Variants in AGBL3 observed in about 807,000 individuals in gnomAD.
AGBL3 encodes the protein AGBL carboxypeptidase 3, also known as cytosolic carboxypeptidase 3.
A neutral mutation model predicts 94.5 loss-of-function variants in AGBL3; 68 were observed. The ratio of observed to expected loss-of-function variants is 0.72; its 90% CI spans 0.59 to 0.88. AGBL3 has a LOEUF of 0.88. Among genes scored for constraint, AGBL3 ranks in the 40% least tolerant of loss-of-function variants. The pLI is 0.00. For missense variants in AGBL3, 934 were observed against 1,103.8 expected, an observed-to-expected ratio of 0.85 and a Z score of 2.18; for synonymous variants, 354 against 370.7, an observed-to-expected ratio of 0.95 and a Z score of 0.52.
At chr7:135,004,697 C>A (rs1812167550) in intron 4 of AGBL3, among the ~76,000 whole-genome samples, 1 of 151,508 alleles carries the variant, frequency 6.6e-6, no homozygotes, top group East Asian at 1.9e-4. Context: ...TTAAGCAAAG[C>A]ATTCTCCTAT....
chr7:135,035,878 CTAGT>C (rs1489700376), intron 7 of AGBL3, among the ~76,000 whole-genome samples: 1 of 152,014 alleles, frequency 6.6e-6, no homozygotes, highest in Non-Finnish European at 1.5e-5. Flanking sequence ...GCCTTATAAT[CTAGT>C]TAGTTTTCTA....
chr7:135,031,490 C>T (rs186691390), intron 5 of AGBL3, among the ~76,000 whole-genome samples: 6 of 152,244 alleles, frequency 3.9e-5, no homozygotes, highest in African/African-American at 9.6e-5. Context: ...AACTCTTGAC[C>T]TCATGATCCA....
chr7:135,026,010 T>C (rs994177230), intron 5 of AGBL3, among the ~76,000 whole-genome samples: 1 of 151,500 alleles, frequency 6.6e-6, no homozygotes, highest in African/African-American at 2.4e-5. Context: ...GTTAAGATGA[T>C]TGAGACAGAA....
chr7:134,997,395 A>T (rs972489432), intron 4 of AGBL3, among the ~76,000 whole-genome samples: 3 of 152,166 alleles, frequency 2.0e-5, no homozygotes, highest in Non-Finnish European at 4.4e-5. Context: ...ACAAGCTTCC[A>T]GTTGTTCTCT....
At chr7:135,001,653 T>G (rs1427454739) in intron 4 of AGBL3, among the ~76,000 whole-genome samples, 23 of 152,206 alleles carry the variant, frequency 1.5e-4, no homozygotes, top group Non-Finnish European at 1.5e-5. Context: ...TTCTTCCTTT[T>G]GTCTTTCCCT....
At chr7:134,991,745 AAAAG>A (rs1810311245) in intron 3 of AGBL3, among the ~76,000 whole-genome samples, 1 of 152,328 alleles carries the variant, frequency 6.6e-6, no homozygotes, top group Admixed American at 6.5e-5. Context: ...GCTCAAGAGA[AAAAG>A]AAAAGGCTAC....
intron 8 of AGBL3, among the ~76,000 whole-genome samples, chr7:135,038,692 T>A (rs1816540203): frequency 6.6e-6 from 1 of 152,228 alleles, no homozygotes; most frequent in African/African-American, 2.4e-5. Flanking sequence ...CCAGACGTGG[T>A]GGCTCACGCC....
At chr7:135,098,577 C>A (rs571664672) in intron 15 of AGBL3, among the ~76,000 whole-genome samples, 1 of 152,234 alleles carries the variant, frequency 6.6e-6, no homozygotes, top group South Asian at 2.1e-4. Context: ...GACAGGATAT[C>A]TAACTTGATG....
intron 12 of AGBL3, among the ~76,000 whole-genome samples, chr7:135,061,304 G>T (rs1190975301): frequency 6.6e-6 from 1 of 151,892 alleles, no homozygotes; most frequent in Non-Finnish European, 1.5e-5. Flanking sequence ...CAGATGTATG[G>T]TTTGCAAATA....
At chr7:135,094,674 A>G (rs962067873) in intron 15 of AGBL3, 1 of 368,040 alleles carries the variant, frequency 2.7e-6, no homozygotes, top group East Asian at 7.3e-5. Flanking sequence ...TTAACTCTAA[A>G]AGGAGAAAAT....
chr7:135,032,440 G>A (rs917867412), intron 5 of AGBL3, among the ~76,000 whole-genome samples: 3 of 151,312 alleles, frequency 2.0e-5, no homozygotes, highest in African/African-American at 7.3e-5. Context: ...GGGTAGCTGG[G>A]ACTACAGGCA....
At chr7:135,126,719 T>C (rs1827925089) in intron 16 of AGBL3, among the ~76,000 whole-genome samples, 1 of 151,954 alleles carries the variant, frequency 6.6e-6, no homozygotes, top group Admixed American at 6.6e-5. Flanking sequence ...ATACCACACA[T>C]CTACAACTAT....
At chr7:135,081,816 T>C in intron 15 of AGBL3, 26 bp downstream of exon 15, 1 of 1,402,230 alleles carries the variant, frequency 7.1e-7, no homozygotes, top group African/African-American at 1.4e-5. Context: ...ACACAGACAG[T>C]AATGAGTGGT....
Position 135,045,540 on chromosome 7 carries a change from C to G in AGBL3, c.1694C>G (p.Ser565Cys), listed in dbSNP as rs768384917. 1 of 1,551,106 alleles carries G rather than the reference C, an allele frequency of 6.4e-7. No homozygotes were observed. The highest frequency in any genetic ancestry group is 1.2e-5 in the South Asian group (1 of 84,050). ...LESMGYHFCD[S>C]LLDYCDPDRT... ...TCAATGGGATATCATTTTTGTGATT[C>G]TCTCTTGGATTATTGTGATCCCGAC... The change falls in exon 10 of 17, where the codon TCT becomes TGT. Residue 565 changes from serine (S) to cysteine (C), a missense_variant. Transcript: ENST00000436302.
chr7:135,131,239 C>G (rs920961254), intron 16 of AGBL3, among the ~76,000 whole-genome samples: 3 of 152,050 alleles, frequency 2.0e-5, no homozygotes, highest in African/African-American at 7.2e-5. Flanking sequence ...CACATGTTTT[C>G]ACTCATAAGT....
At position 134,999,669 on chromosome 7, in the gene AGBL3, G is replaced by A. The variant is rs56899367; in HGVS notation, c.310+5991G>A. Among the ~76,000 whole-genome samples the A allele has an allele frequency of 2.6e-5, 4 of 152,286 alleles. No homozygotes were observed. In the East Asian group the frequency reaches 5.8e-4, roughly 22 times the overall value. ...ATTTCCATAGGATGGTGCCCCACAT[G>A]GGGCATCTAATAGACTAGTTTTTCA... On this transcript the variant is annotated intron_variant, in intron 4 of 16. Coordinates refer to ENST00000436302, the MANE Select transcript of AGBL3 (RefSeq NM_178563.4).
intron 15 of AGBL3, chr7:135,093,748 A>C (rs1210541311): frequency 2.0e-5 from 3 of 152,202 alleles, no homozygotes; most frequent in African/African-American, 7.2e-5. Context: ...AGAAACTAAC[A>C]AACCAAATCT....
intron 16 of AGBL3, among the ~76,000 whole-genome samples, chr7:135,131,817 G>GA (rs1205640935): frequency 1.3e-5 from 2 of 151,470 alleles, no homozygotes; most frequent in African/African-American, 4.8e-5. Flanking sequence ...GACAAATAAA[G>GA]AAAAAAAGAC....
intron 4 of AGBL3, among the ~76,000 whole-genome samples, chr7:135,007,804 G>A (rs1018262689): frequency 7.2e-5 from 11 of 151,800 alleles, no homozygotes; most frequent in African/African-American, 2.2e-4. Context: ...ATATGAGTTC[G>A]GCAAGGTTGC....
Sources: gnomAD v4.1 joint callset for allele counts (sites outside exome capture counted in the v4.1 genomes callset) on GRCh38, gnomAD v4.1.1 for gene constraint, MANE v1.5 for transcripts, NCBI Gene and HGNC (gene_info 2026-07-23, HGNC 2026-07-21) for gene names.